Variants in GRIA4 observed in about 807,000 individuals in gnomAD.
The protein encoded by GRIA4 is glutamate ionotropic receptor AMPA type subunit 4, also known as glutamate receptor 4.
A neutral mutation model predicts 104.0 loss-of-function variants in GRIA4; 34 were observed. The observed-to-expected ratio is 0.33, with a 90% CI of 0.25 to 0.44. The LOEUF is 0.44. Among genes scored for constraint, GRIA4 ranks in the 20% least tolerant of loss-of-function variants. The pLI, the probability that GRIA4 is intolerant of heterozygous loss-of-function variation, is 1.00. For missense variants in GRIA4, 750 were observed against 1,096.5 expected (o/e 0.68, Z 4.46); for synonymous variants, 386 against 381.9 (o/e 1.01, Z -0.13).
chr11:105,628,894 T>C (rs1950958311), intron 3 of GRIA4, among the ~76,000 whole-genome samples: 1 of 152,044 alleles, frequency 6.6e-6, no homozygotes, highest in African/African-American at 2.4e-5. Flanking sequence ...GTATTTTATT[T>C]TCAAAAAAGC....
chr11:105,852,586 C>G (rs1159118421), intron 4 of GRIA4, among the ~76,000 whole-genome samples: 1 of 152,130 alleles, frequency 6.6e-6, no homozygotes, highest in Non-Finnish European at 1.5e-5. Context: ...ATAAATCACT[C>G]TGTATTTAGA....
chr11:105,632,550 T>C (rs1951061562), intron 3 of GRIA4, among the ~76,000 whole-genome samples: 1 of 152,180 alleles, frequency 6.6e-6, no homozygotes, highest in South Asian at 2.1e-4. Context: ...CCTCTTTGAG[T>C]TTCAGAGTCT....
At chr11:105,786,144 C>CAA (rs34888562) in intron 4 of GRIA4, among the ~76,000 whole-genome samples, 43,462 of 89,096 alleles carry the variant, frequency 0.49, 9,466 homozygotes, top group Middle Eastern at 0.57. Context: ...GACCCTTTCT[C>CAA]AAAAAAAAAA....
chr11:105,661,927 A>AT (rs1164386740), intron 3 of GRIA4, among the ~76,000 whole-genome samples: 1 of 151,640 alleles, frequency 6.6e-6, no homozygotes, highest in Non-Finnish European at 1.5e-5. Flanking sequence ...AAATGACTAT[A>AT]TTTTTTCCAC....
intron 6 of GRIA4, among the ~76,000 whole-genome samples, chr11:105,897,562 ATTAG>A (rs1270272729): frequency 6.6e-6 from 1 of 152,114 alleles, no homozygotes; most frequent in African/African-American, 2.4e-5. Flanking sequence ...GATGGCTCTA[ATTAG>A]TTTGAGATAT....
intron 3 of GRIA4, among the ~76,000 whole-genome samples, chr11:105,730,134 T>G (rs1938495415): frequency 6.6e-6 from 1 of 152,158 alleles, no homozygotes; most frequent in Non-Finnish European, 1.5e-5. Context: ...GAAAACCCCA[T>G]CGTCTCAGCC....
intron 4 of GRIA4, among the ~76,000 whole-genome samples, chr11:105,839,388 G>C (rs1308323440): frequency 6.6e-6 from 1 of 150,774 alleles, no homozygotes; most frequent in East Asian, 1.9e-4. Context: ...CTGAAATAAT[G>C]AGCACCAAGG....
intron 4 of GRIA4, among the ~76,000 whole-genome samples, chr11:105,805,298 A>G (rs867430116): frequency 7.2e-5 from 11 of 151,792 alleles, no homozygotes; most frequent in Admixed American, 1.3e-4. Context: ...ATTCGGCAAT[A>G]GAATATAGAT....
At chr11:105,955,233 G>C (rs960948870) in intron 14 of GRIA4, among the ~76,000 whole-genome samples, 1 of 151,942 alleles carries the variant, frequency 6.6e-6, no homozygotes, top group African/African-American at 2.4e-5. Context: ...ATGATGGTTT[G>C]CTGCACCTAT....
At chr11:105,736,719 A>G (rs1938972137) in intron 3 of GRIA4, among the ~76,000 whole-genome samples, 3 of 152,102 alleles carry the variant, frequency 2.0e-5, no homozygotes, top group Non-Finnish European at 4.4e-5. Context: ...TCAAAAGGCT[A>G]TATTCTACTA....
chr11:105,911,890 T>A (rs368966011), intron 10 of GRIA4: 21 of 1,559,216 alleles, frequency 1.3e-5, no homozygotes, highest in Middle Eastern at 1.7e-4. Flanking sequence ...TGATGAAGAA[T>A]CCTATTTTAA....
At chr11:105,785,435 T>C (rs1941917261) in intron 4 of GRIA4, among the ~76,000 whole-genome samples, 4 of 152,192 alleles carry the variant, frequency 2.6e-5, no homozygotes, top group African/African-American at 9.6e-5. Context: ...TGAAAAATGG[T>C]AAATAAATAG....
At chr11:105,967,149 C>T (rs1228561404) in intron 14 of GRIA4, among the ~76,000 whole-genome samples, 1 of 149,400 alleles carries the variant, frequency 6.7e-6, no homozygotes. Flanking sequence ...CAAAGATATT[C>T]TATTCCATTA....
At chr11:105,640,749 C>T (rs1190841498) in intron 3 of GRIA4, among the ~76,000 whole-genome samples, 1 of 151,966 alleles carries the variant, frequency 6.6e-6, no homozygotes, top group Non-Finnish European at 1.5e-5. Flanking sequence ...TATGTGTCCA[C>T]AGGCAGTGTA....
intron 3 of GRIA4, among the ~76,000 whole-genome samples, chr11:105,723,534 A>G (rs934215724): frequency 1.3e-5 from 2 of 152,130 alleles, no homozygotes; most frequent in Non-Finnish European, 2.9e-5. Context: ...AATTCTAGGA[A>G]GGAAAAAATT....
chr11:105,922,399 A>C (rs1947589211), intron 11 of GRIA4, among the ~76,000 whole-genome samples: 1 of 152,158 alleles, frequency 6.6e-6, no homozygotes, highest in Non-Finnish European at 1.5e-5. Context: ...CATTATAAGC[A>C]TTAAAAAGAT....
At chr11:105,616,187 A>G (rs999820652) in intron 3 of GRIA4, among the ~76,000 whole-genome samples, 1 of 151,740 alleles carries the variant, frequency 6.6e-6, no homozygotes, top group African/African-American at 2.4e-5. Flanking sequence ...TTCTTATTTT[A>G]AAGTGATTTT....
At chr11:105,889,145 G>A (rs895564539) in intron 6 of GRIA4, among the ~76,000 whole-genome samples, 2 of 152,150 alleles carry the variant, frequency 1.3e-5, no homozygotes, top group Non-Finnish European at 2.9e-5. Context: ...TTCCAGAAAT[G>A]AGTTGCTGAC....
chr11:105,951,595 T>C (rs1948458338), intron 14 of GRIA4, among the ~76,000 whole-genome samples: 2 of 152,202 alleles, frequency 1.3e-5, no homozygotes, highest in African/African-American at 4.8e-5. Context: ...GTATGAAATA[T>C]GAATAGTTGA....
Sources: allele counts gnomAD v4.1 joint callset (sites outside exome capture counted in the v4.1 genomes callset), GRCh38; gene constraint gnomAD v4.1.1; transcripts MANE v1.5; gene names NCBI Gene and HGNC (gene_info 2026-07-23, HGNC 2026-07-21).